The following PANX1 variants were observed in gnomAD, a reference collection of about 807,000 sequenced individuals.
PANX1 encodes pannexin-1.
Under a neutral mutation model 38.7 loss-of-function variants are expected in PANX1, and 30 were observed. That is an observed-to-expected ratio of 0.78 (90% CI 0.58 to 1.05). PANX1 has a LOEUF of 1.05. Ranked by LOEUF, PANX1 falls within the 50% of genes least tolerant of loss-of-function variation. The pLI, the probability that PANX1 is intolerant of heterozygous loss-of-function variation, is 0.00. For missense variants in PANX1, 551 were observed against 517.2 expected (o/e 1.07, Z -0.63); for synonymous variants, 230 against 212.2 (o/e 1.08, Z -0.73).
In PANX1 at chr11:94,179,863, C is replaced by T. The variant is rs765633072; in HGVS notation, c.807C>T (p.Ala269=). Residue 269 remains alanine, a synonymous_variant, in exon 4 of 5, where the codon GCC becomes GCT. Coordinates refer to ENST00000227638, the MANE Select transcript of PANX1 (RefSeq NM_015368.4). ...VPDQFQCKLI[A]VGIFQLLSVI... Reference sequence around the variant, plus strand: ...ATCAGTTTCAGTGCAAACTCATTGCCGTGGGCATCTTCCAGTTGCTCAGTG... The same window carrying T: ...ATCAGTTTCAGTGCAAACTCATTGCTGTGGGCATCTTCCAGTTGCTCAGTG... 10 of 1,613,962 alleles carry T rather than the reference C, an allele frequency of 6.2e-6. No homozygotes were observed. The highest frequency in any genetic ancestry group is 1.3e-5 in the African/African-American group (1 of 74,888).
Position 94,156,549 on chromosome 11 carries a change from G to A in PANX1, c.321+2919G>A, listed in dbSNP as rs984402960. On this transcript the variant is annotated intron_variant, in intron 2 of 4. Transcript: ENST00000227638. Reference sequence around the variant, plus strand: ...ATCCAGAATTAATCTAGCTCCCATAGGGACAAGAGTCCTGATTTAAATCAT... The same window carrying A: ...ATCCAGAATTAATCTAGCTCCCATAAGGACAAGAGTCCTGATTTAAATCAT... Among the ~76,000 whole-genome samples, 10 of 152,186 alleles carry A rather than the reference G, an allele frequency of 6.6e-5. No individual in the cohort carries two copies. In the Middle Eastern group the frequency reaches 0.014, roughly 207 times the overall value.
intron 2 of PANX1, among the ~76,000 whole-genome samples, chr11:94,156,863 C>G (rs946673492): frequency 1.3e-5 from 2 of 151,882 alleles, no homozygotes; most frequent in Non-Finnish European, 2.9e-5. Flanking sequence ...CCTCCTAATG[C>G]TATCCCTCCC....
intron 2 of PANX1, among the ~76,000 whole-genome samples, chr11:94,170,219 C>T (rs888556944): frequency 9.9e-5 from 15 of 151,570 alleles, no homozygotes; most frequent in Non-Finnish European, 1.8e-4. Context: ...TTTCCATTTC[C>T]CCATCCCCCC....
intron 1 of PANX1, among the ~76,000 whole-genome samples, chr11:94,152,716 C>A (rs1451018008): frequency 6.6e-6 from 1 of 152,164 alleles, no homozygotes; most frequent in Non-Finnish European, 1.5e-5. Flanking sequence ...AAAGAGTCTT[C>A]CAGATGGTAG....
chr11:94,178,578 G>A lies in PANX1; in HGVS notation c.531G>A (p.Glu177=). ...CCTGCTCAGTTCCAGGTGTTACCGA[G>A]AACTTAGGGCAAAGGTAACTTAGCC... ...DGACSVPGVT[E]NLGQSLWEVS... Residue 177 remains glutamate (E), a synonymous_variant, in exon 3 of 5, where the codon GAG becomes GAA. Transcript: ENST00000227638. 1.2e-6 allele frequency: 2 copies of A among 1,613,726 alleles called. No homozygotes were observed. Among genetic ancestry groups the A allele is most frequent in the Non-Finnish European group, 1.7e-6 (2 of 1,179,712 alleles).
At chr11:94,180,639 G>T in intron 4 of PANX1, 151 bp from the exon 5 acceptor site, 1 of 563,732 alleles carries the variant, frequency 1.8e-6, no homozygotes, top group Non-Finnish European at 3.2e-6. Flanking sequence ...CTCTTTCAAA[G>T]GGGACTAAAA....
chr11:94,129,558 C>G lies in PANX1; in HGVS notation c.181+65C>G, dbSNP rs1041028068. ...TCTGGCCCGGTGAGCTGCGATTTTACGGCTCACAGGCCCGAGTCTGGGTAC... is the reference window on the plus strand; with the variant it reads ...TCTGGCCCGGTGAGCTGCGATTTTAGGGCTCACAGGCCCGAGTCTGGGTAC... On this transcript the variant is annotated intron_variant, in intron 1 of 4. Transcript: ENST00000227638. 3 of 1,434,408 alleles carry G rather than the reference C, an allele frequency of 2.1e-6. No individual in the cohort carries two copies. In the African/African-American group the frequency reaches 4.2e-5, roughly 20 times the overall value. 88.9% of individuals were successfully genotyped at this position (1,434,408 alleles called of 1,614,324 possible).
intron 2 of PANX1, among the ~76,000 whole-genome samples, chr11:94,162,980 C>G (rs1591519835): frequency 6.7e-6 from 1 of 149,290 alleles, no homozygotes; most frequent in Admixed American, 6.8e-5. Flanking sequence ...TAAGGCAGTC[C>G]TCCTGCCACA....
intron 1 of PANX1, among the ~76,000 whole-genome samples, chr11:94,142,001 G>A (rs1484032294): frequency 6.6e-6 from 1 of 152,178 alleles, no homozygotes; most frequent in Non-Finnish European, 1.5e-5. Context: ...TGGGGTTGGG[G>A]AATGTGTCTG....
Position 94,129,272 on chromosome 11 carries a change from C to A in PANX1, c.-41C>A, listed in dbSNP as rs780533445. The stretch of plus-strand genomic sequence containing the variant: ...CGCCGCGCAGCTTTCCCGACGCCGG[C>A]TGTACCCGGACCTCCTGGTCGAGCC... On this transcript the variant is annotated 5_prime_UTR_variant, in exon 1 of 5. The change creates a new upstream start codon in the 5' untranslated region. Transcript: ENST00000227638. The A allele has an allele frequency of 3.9e-6, 6 of 1,556,644 alleles. No individual in the cohort carries two copies. The Admixed American group carries it at 5.2e-5, about 14-fold the overall frequency.
At chr11:94,155,831 T>C (rs945193429) in intron 2 of PANX1, among the ~76,000 whole-genome samples, 7 of 152,174 alleles carry the variant, frequency 4.6e-5, no homozygotes, top group Admixed American at 3.9e-4. Flanking sequence ...GTTGGGCTTT[T>C]CTCTTTATTT....
rs768591289 is a variant in PANX1 at position 94,180,803 on chromosome 11, C to G, written c.1215C>G (p.Asp405Glu). Residue 405 changes from aspartate (D) to glutamate (E), a missense_variant, in exon 5 of 5, where the codon GAC (aspartate) becomes GAG (glutamate). Asp to Glu is a conservative substitution (Grantham distance 45, BLOSUM62 2). Coordinates refer to ENST00000227638, the MANE Select transcript of PANX1 (RefSeq NM_015368.4). ...CAATTTTGACAGGTATGAACATAGA[C>G]AGTGAAACTAAAGCAAATAATGGAG... ...QTAELQGMNI[D>E]SETKANNGEK... 2.6e-6 allele frequency: 4 copies of G among 1,526,828 alleles called. No individual in the cohort carries two copies. The South Asian group carries it at 4.5e-5, about 17-fold the overall frequency. 94.6% of individuals were successfully genotyped at this position (1,526,828 alleles called of 1,614,324 possible). A position where few individuals can be genotyped will look rare whatever the true frequency, so the allele number is the denominator to read the frequency against.
intron 2 of PANX1, among the ~76,000 whole-genome samples, chr11:94,170,468 C>G (rs1363532576): frequency 1.3e-5 from 2 of 151,812 alleles, no homozygotes; most frequent in Admixed American, 6.5e-5. Flanking sequence ...TCAGCGCATA[C>G]TTGGGTTGCT....
intron 1 of PANX1, among the ~76,000 whole-genome samples, chr11:94,138,127 G>C (rs1946722658): frequency 6.6e-6 from 1 of 151,948 alleles, no homozygotes; most frequent in South Asian, 2.1e-4. Flanking sequence ...GATTTGACTG[G>C]TGTGGTTGGG....
intron 2 of PANX1, among the ~76,000 whole-genome samples, chr11:94,156,321 G>A (rs1946948311): frequency 6.6e-6 from 1 of 152,184 alleles, no homozygotes; most frequent in African/African-American, 2.4e-5. Flanking sequence ...ATTAATGAGA[G>A]ATTAAGAAAC....
At chr11:94,174,533 A>G (rs746753000) in intron 2 of PANX1, among the ~76,000 whole-genome samples, 1 of 151,676 alleles carries the variant, frequency 6.6e-6, no homozygotes, top group South Asian at 2.1e-4. Flanking sequence ...CCACCTCCCC[A>G]GGGACTTTTC....
chr11:94,172,101 G>A (rs1209560118), intron 2 of PANX1, among the ~76,000 whole-genome samples: 1 of 151,654 alleles, frequency 6.6e-6, no homozygotes, highest in African/African-American at 2.4e-5. Context: ...CTTGGTTGGA[G>A]GAATCCTCTG....
At chr11:94,163,516 T>C (rs1947071135) in intron 2 of PANX1, among the ~76,000 whole-genome samples, 1 of 152,238 alleles carries the variant, frequency 6.6e-6, no homozygotes, top group Admixed American at 6.5e-5. Context: ...GTTGATGTGA[T>C]GTATCAAATT....
intron 2 of PANX1, among the ~76,000 whole-genome samples, chr11:94,159,248 A>G (rs1434878027): frequency 1.3e-5 from 2 of 152,152 alleles, no homozygotes; most frequent in African/African-American, 4.8e-5. Context: ...CTTTGGTATC[A>G]GGATGATGCT....
Sources: gnomAD v4.1 joint callset for allele counts (sites outside exome capture counted in the v4.1 genomes callset) on GRCh38, gnomAD v4.1.1 for gene constraint, MANE v1.5 for transcripts, NCBI Gene and HGNC (gene_info 2026-07-23, HGNC 2026-07-21) for gene names.